Variants in GSDMC observed in about 807,000 individuals in gnomAD.
GSDMC encodes the protein gasdermin-C.
Under a neutral mutation model 58.0 loss-of-function variants are expected in GSDMC, and 59 were observed. The observed-to-expected ratio is 1.02, with a 90% CI of 0.82 to 1.26. GSDMC has a LOEUF of 1.26. Ranked by LOEUF, GSDMC falls within the 50% of genes most tolerant of loss-of-function variation. The pLI, the probability that GSDMC is intolerant of heterozygous loss-of-function variation, is 0.00. For synonymous variants in GSDMC, 241 were observed against 220.2 expected (o/e 1.09, Z -0.83); for missense variants, 659 against 598.5 (o/e 1.10, Z -1.06).
the GSDMC span, among the ~76,000 whole-genome samples, chr8:129,715,748 A>G: frequency 6.6e-6 from 1 of 152,206 alleles, no homozygotes; most frequent in African/African-American, 2.4e-5. Context: ...CAGTTGAAAA[A>G]ATACCCCTGG....
Position 129,749,983 on chromosome 8 carries a change from C to G in GSDMC, c.1213+7G>C, listed in dbSNP as rs1229852026. 1 of 1,586,296 alleles carries G rather than the reference C, an allele frequency of 6.3e-7. No individual in the cohort carries two copies. Among genetic ancestry groups the G allele is most frequent in the South Asian group, 1.2e-5 (1 of 84,934 alleles). On this transcript the variant is annotated splice_region_variant and intron_variant, in intron 12 of 13. Transcript: ENST00000276708. ...ATTCTCCCATTCTTCCCTTTAATTA[C>G]TCTTACCCATTATGGCTTCAAGGAG...
chr8:129,785,550 T>C (rs561593053), intron 1 of GSDMC, among the ~76,000 whole-genome samples: 1 of 151,712 alleles, frequency 6.6e-6, no homozygotes, highest in South Asian at 2.1e-4. Context: ...ACTAAAACAG[T>C]ATAATTGTAT....
rs756573853 is a variant in GSDMC, at chr8:129,776,243, A to C, written c.263T>G (p.Ile88Ser). 6.2e-7 allele frequency: 1 copy of C among 1,613,654 alleles called. No individual in the cohort carries two copies. Among genetic ancestry groups the C allele is most frequent in the Non-Finnish European group, 8.5e-7 (1 of 1,179,764 alleles). The part of the protein sequence containing the change: ...TGPFHFSDIM[I>S]QKHKADMGVN... ...ACCCATGTCAGCCTTATGCTTCTGG[A>C]TCATAATGTCACTGAAGTGGAACGG... Residue 88 changes from isoleucine to serine, a missense_variant, in exon 3 of 14, where the codon ATC becomes AGC. Ile to Ser is a moderately radical substitution (Grantham distance 142). Coordinates refer to ENST00000276708, the MANE Select transcript of GSDMC (RefSeq NM_031415.3).
At chr8:129,709,804 G>A in the GSDMC span, among the ~76,000 whole-genome samples, 1 of 152,064 alleles carries the variant, frequency 6.6e-6, no homozygotes, top group Admixed American at 6.5e-5. Context: ...CCTCAAAAAT[G>A]TCAATCTCTT....
intron 6 of GSDMC, among the ~76,000 whole-genome samples, chr8:129,753,750 G>A (rs2033318733): frequency 6.6e-6 from 1 of 152,118 alleles, no homozygotes; most frequent in African/African-American, 2.4e-5. Flanking sequence ...ACCTGCCCTG[G>A]GCCACAGGAG....
At chr8:129,745,730 A>G (rs2032946303), downstream of GSDMC, among the ~76,000 whole-genome samples, 1 of 95,464 alleles carries the variant, frequency 1.0e-5, no homozygotes, top group African/African-American at 8.2e-5. Flanking sequence ...GATAGGGAAA[A>G]CAAGAGCACT....
intron 3 of GSDMC, 100 bp from the exon 4 acceptor site, chr8:129,765,893 A>G: frequency 3.4e-6 from 3 of 885,156 alleles, no homozygotes; most frequent in Non-Finnish European, 5.2e-6. Context: ...GAGGGGTGCA[A>G]TGGCTTTGGA....
intron 1 of GSDMC, among the ~76,000 whole-genome samples, chr8:129,785,425 T>A (rs1586628847): frequency 6.6e-6 from 1 of 151,254 alleles, no homozygotes; most frequent in Non-Finnish European, 1.5e-5. Context: ...GTGGGGATGG[T>A]AAATGAGCAC....
At chr8:129,753,696 G>C (rs752491092) in intron 6 of GSDMC, among the ~76,000 whole-genome samples, 5 of 152,232 alleles carry the variant, frequency 3.3e-5, no homozygotes, top group Non-Finnish European at 7.3e-5. Flanking sequence ...GCAGGCTCTT[G>C]GGGCCCTCAA....
intron 1 of GSDMC, among the ~76,000 whole-genome samples, chr8:129,784,294 C>T (rs768744401): frequency 2.0e-5 from 3 of 152,060 alleles, no homozygotes; most frequent in Non-Finnish European, 2.9e-5. Flanking sequence ...AGATCAACAA[C>T]AGAAAAAGAG....
At chr8:129,729,630 G>C in the GSDMC span, among the ~76,000 whole-genome samples, 2 of 152,178 alleles carry the variant, frequency 1.3e-5, no homozygotes, top group Non-Finnish European at 2.9e-5. Context: ...TCCCTACAAA[G>C]GACATGAACT....
At position 129,760,513 on chromosome 8, in the gene GSDMC, A is replaced by G. The variant is rs777864074; in HGVS notation, c.721+32T>C. On this transcript the variant is annotated intron_variant, in intron 6 of 13. Transcript: ENST00000276708. ...TACCTCCCATGTACTCATAAAAATAAAAAAATAAAAAGACCAGGCTTTGGA... is the reference window on the plus strand; with the variant it reads ...TACCTCCCATGTACTCATAAAAATAGAAAAATAAAAAGACCAGGCTTTGGA... The G allele has an allele frequency of 8.4e-6, 12 of 1,425,236 alleles. No homozygotes were observed. In the East Asian group the frequency reaches 1.8e-4, roughly 22 times the overall value. The allele number at this position is 1,425,236 out of a possible 1,614,324, so 88.3% of individuals were successfully genotyped here.
the GSDMC span, chr8:129,707,070 T>C: frequency 6.6e-6 from 1 of 152,192 alleles, no homozygotes; most frequent in African/African-American, 2.4e-5. Context: ...CTCACGGCAC[T>C]GTAAGCTTCT....
At chr8:129,776,746 GTT>G (rs2034241562) in intron 2 of GSDMC, among the ~76,000 whole-genome samples, 1 of 151,806 alleles carries the variant, frequency 6.6e-6, no homozygotes, top group South Asian at 2.1e-4. Flanking sequence ...TGCTGTTGTT[GTT>G]GTTGTTGTTG....
At chr8:129,745,572 A>C (rs1056078987), downstream of GSDMC, among the ~76,000 whole-genome samples, 2 of 152,144 alleles carry the variant, frequency 1.3e-5, no homozygotes, top group Non-Finnish European at 2.9e-5. Flanking sequence ...TTACTTTCTA[A>C]TATACTATAT....
intron 1 of GSDMC, among the ~76,000 whole-genome samples, chr8:129,779,372 G>C (rs912888811): frequency 6.6e-6 from 1 of 152,108 alleles, no homozygotes; most frequent in African/African-American, 2.4e-5. Context: ...AATACCACAT[G>C]TTTTCACTTA....
At chr8:129,758,490 T>A (rs1326439190) in intron 6 of GSDMC, among the ~76,000 whole-genome samples, 3 of 152,176 alleles carry the variant, frequency 2.0e-5, no homozygotes, top group Non-Finnish European at 4.4e-5. Context: ...CTAAAAAAAC[T>A]ATTAGAACTG....
At chr8:129,707,795 A>T in the GSDMC span, among the ~76,000 whole-genome samples, 1 of 152,260 alleles carries the variant, frequency 6.6e-6, no homozygotes. Context: ...ATCAACCATC[A>T]TTCTTGGCAT....
chr8:129,729,228 AT>A, the GSDMC span: 1 of 642,848 alleles, frequency 1.6e-6, no homozygotes, highest in East Asian at 3.2e-5. Flanking sequence ...ACCCTGGAAT[AT>A]TTTCCAAGTG....
Sources: allele counts gnomAD v4.1 joint callset (sites outside exome capture counted in the v4.1 genomes callset), GRCh38; gene constraint gnomAD v4.1.1; transcripts MANE v1.5; gene names NCBI Gene and HGNC (gene_info 2026-07-23, HGNC 2026-07-21).